The following BCO1 variants were observed in gnomAD, a reference collection of about 807,000 sequenced individuals.
BCO1 encodes the protein beta-carotene oxygenase 1, also known as beta,beta-carotene 15,15'-dioxygenase.
In BCO1, 54 loss-of-function variants were observed where a neutral mutation model predicts 56.3. That is an observed-to-expected ratio of 0.96 (90% CI 0.77 to 1.20). The LOEUF is 1.20. Ranked by LOEUF, BCO1 falls within the 50% of genes most tolerant of loss-of-function variation. The pLI is 0.00. For synonymous variants in BCO1, 318 were observed against 266.1 expected (o/e 1.20, Z -1.90); for missense variants, 801 against 690.9 (o/e 1.16, Z -1.79).
Position 81,262,423 on chromosome 16 carries a change from C to T in BCO1, c.471+140C>T, listed in dbSNP as rs535808999. On this transcript the variant is annotated intron_variant, in intron 4 of 10. Coordinates refer to ENST00000258168, the MANE Select transcript of BCO1 (RefSeq NM_017429.3). ...AACACCGTTGGATCCCGTGCCCTAG[C>T]GCCACACTTACTGCTAGATGCTAGG... The T allele has an allele frequency of 1.2e-4, 101 of 853,840 alleles. 1 individual carries two copies. The East Asian group carries it at 2.5e-3, about 21-fold the overall frequency. 52.9% of individuals were successfully genotyped at this position (853,840 alleles called of 1,614,324 possible). A position where few individuals can be genotyped will look rare whatever the true frequency, so the allele number is the denominator to read the frequency against.
intron 1 of BCO1, among the ~76,000 whole-genome samples, chr16:81,240,063 A>G (rs1196563933): frequency 6.6e-6 from 1 of 151,930 alleles, no homozygotes; most frequent in African/African-American, 2.4e-5. Context: ...AGTCTTTTGA[A>G]ACAAAAAAAA....
At chr16:81,243,554 C>T (rs182240519) in intron 1 of BCO1, among the ~76,000 whole-genome samples, 1 of 152,240 alleles carries the variant, frequency 6.6e-6, no homozygotes, top group East Asian at 1.9e-4. Flanking sequence ...CTGCAACCTC[C>T]CCCTTCCGGG....
chr16:81,262,237 A>AT lies in BCO1; in HGVS notation c.427dup (p.Tyr143LeufsTer17), dbSNP rs751909346. The AT allele has an allele frequency of 6.2e-7, 1 of 1,613,854 alleles. No individual in the cohort carries two copies. Among genetic ancestry groups the AT allele is most frequent in the Non-Finnish European group, 8.5e-7 (1 of 1,179,776 alleles). On this transcript the variant is annotated frameshift_variant, in exon 4 of 11. Coordinates refer to ENST00000258168, the MANE Select transcript of BCO1 (RefSeq NM_017429.3). LOFTEE classifies it high-confidence loss of function. ...GACTTCTACGCGACCTCAGAGACCA[A>AT]TTACATCAGGAAAATCAACCCACAG...
intron 10 of BCO1, among the ~76,000 whole-genome samples, chr16:81,289,802 C>T (rs1013447356): frequency 1.4e-4 from 21 of 152,234 alleles, no homozygotes; most frequent in Middle Eastern, 6.8e-3. Context: ...ACTGAGGCTC[C>T]GAGAGGTCAA....
chr16:81,250,101 C>G (rs13336103), intron 2 of BCO1, among the ~76,000 whole-genome samples: 1 of 152,172 alleles, frequency 6.6e-6, no homozygotes, highest in African/African-American at 2.4e-5. Flanking sequence ...ATCCACAACT[C>G]AGCCCTCCCC....
At chr16:81,259,873 G>C (rs1005980980) in intron 3 of BCO1, 68 bp downstream of exon 3, 1 of 1,590,470 alleles carries the variant, frequency 6.3e-7, no homozygotes, top group Admixed American at 1.7e-5. Context: ...GAAATAACCA[G>C]CATTTGCTCC....
intron 1 of BCO1, 67 bp from the exon 2 acceptor site, chr16:81,245,408 G>T: frequency 6.2e-7 from 1 of 1,612,410 alleles, no homozygotes; most frequent in South Asian, 1.1e-5. Context: ...TCCTTTCCAT[G>T]ACCATTTCTT....
At chr16:81,280,745 C>T in intron 7 of BCO1, 112 bp from the exon 8 acceptor site, 1 of 779,270 alleles carries the variant, frequency 1.3e-6, no homozygotes, top group Non-Finnish European at 2.2e-6. Context: ...TAATGTGAGG[C>T]TAAGCCAAGA....
At chr16:81,284,804 TTTTTG>T (rs950085802) in intron 8 of BCO1, among the ~76,000 whole-genome samples, 2 of 150,158 alleles carry the variant, frequency 1.3e-5, no homozygotes, top group Admixed American at 6.7e-5. Context: ...ATTTCTTTTC[TTTTTG>T]TTTTGTTTTG....
At chr16:81,280,221 C>A (rs1354701471) in intron 7 of BCO1, among the ~76,000 whole-genome samples, 6 of 128,628 alleles carry the variant, frequency 4.7e-5, no homozygotes, top group Non-Finnish European at 9.4e-5. Flanking sequence ...CAAGATCACA[C>A]CACTGCACTC....
chr16:81,239,718 C>T (rs1905029811), intron 1 of BCO1, among the ~76,000 whole-genome samples: 1 of 152,240 alleles, frequency 6.6e-6, no homozygotes, highest in Non-Finnish European at 1.5e-5. Context: ...CTCTCAGGAA[C>T]TCACAGGTGT....
In BCO1 at chr16:81,285,604, A is replaced by G. The variant is rs770118307; in HGVS notation, c.1272A>G (p.Thr424=). ...NGKQYRYVFA[T]GVQWSPIPTK... ...AGCAATACCGATATGTCTTTGCTACAGGAGTTCAGTGGAGTCCAATCCCAA... is the reference window on the plus strand; with the variant it reads ...AGCAATACCGATATGTCTTTGCTACGGGAGTTCAGTGGAGTCCAATCCCAA... The change falls in exon 9 of 11, where the codon ACA becomes ACG. Residue 424 remains threonine, a synonymous_variant. Coordinates refer to ENST00000258168, the MANE Select transcript of BCO1 (RefSeq NM_017429.3). The G allele has an allele frequency of 1.2e-6, 2 of 1,613,296 alleles. No individual in the cohort carries two copies. The highest frequency in any genetic ancestry group is 1.1e-5 in the South Asian group (1 of 91,074).
chr16:81,278,798 G>C (rs953201262), intron 7 of BCO1, among the ~76,000 whole-genome samples: 4 of 152,192 alleles, frequency 2.6e-5, no homozygotes, highest in Non-Finnish European at 5.9e-5. Context: ...CACAGGGTCT[G>C]CTTCTCTCCA....
chr16:81,263,364 T>G (rs1906619148), intron 4 of BCO1: 1 of 152,190 alleles, frequency 6.6e-6, no homozygotes, highest in South Asian at 2.1e-4. Flanking sequence ...CCCTCATGAT[T>G]ACAGGCGTGA....
chr16:81,283,615 C>T (rs932206185), intron 8 of BCO1, among the ~76,000 whole-genome samples: 1 of 151,914 alleles, frequency 6.6e-6, no homozygotes, highest in South Asian at 2.1e-4. Flanking sequence ...GTTCCCTCTG[C>T]CTCACCTTCA....
intron 4 of BCO1, chr16:81,263,725 A>G (rs947318810): frequency 6.6e-6 from 1 of 152,242 alleles, no homozygotes; most frequent in Non-Finnish European, 1.5e-5. Context: ...GCCCAAGCAC[A>G]TACCTTTCCT....
At chr16:81,272,335 G>A (rs868625358) in intron 7 of BCO1, among the ~76,000 whole-genome samples, 7 of 150,212 alleles carry the variant, frequency 4.7e-5, no homozygotes, top group Admixed American at 1.3e-4. Context: ...AGCCAGGATG[G>A]TCTCAACCTC....
At chr16:81,245,049 C>T (rs913177747) in intron 1 of BCO1, among the ~76,000 whole-genome samples, 1 of 152,068 alleles carries the variant, frequency 6.6e-6, no homozygotes, top group African/African-American at 2.4e-5. Context: ...CACTATGACG[C>T]CCAGCTAATG....
At chr16:81,264,816 C>T (rs747391927) in intron 5 of BCO1, 29 bp downstream of exon 5, 55 of 1,612,846 alleles carry the variant, frequency 3.4e-5, no homozygotes, top group Non-Finnish European at 4.3e-5. Flanking sequence ...TTGAATAAAA[C>T]ACAAACAACC....
Sources: gnomAD v4.1 joint callset for allele counts (sites outside exome capture counted in the v4.1 genomes callset) on GRCh38, gnomAD v4.1.1 for gene constraint, MANE v1.5 for transcripts, NCBI Gene and HGNC (gene_info 2026-07-23, HGNC 2026-07-21) for gene names.